The following KALRN variants were observed in gnomAD, a reference collection of about 807,000 sequenced individuals.
The protein encoded by KALRN is kalirin RhoGEF kinase.
A neutral mutation model predicts 353.7 loss-of-function variants in KALRN; 70 were observed. That is an observed-to-expected ratio of 0.20 (90% CI 0.16 to 0.24). KALRN has a LOEUF of 0.24. Ranked by LOEUF, KALRN falls within the 10% of genes least tolerant of loss-of-function variation. The probability of loss-of-function intolerance (pLI) is 1.00; values close to 1 mark genes in which losing one functional copy is unlikely to be tolerated. For missense variants in KALRN, 2,791 were observed against 3,756.7 expected, an observed-to-expected ratio of 0.74 and a Z score of 6.72; for synonymous variants, 1,391 against 1,434.8, an observed-to-expected ratio of 0.97 and a Z score of 0.69.
intron 3 of KALRN, among the ~76,000 whole-genome samples, chr3:124,262,045 G>A (rs533610142): frequency 5.9e-5 from 9 of 152,054 alleles, no homozygotes; most frequent in South Asian, 2.1e-4. Flanking sequence ...TTAATAAAAC[G>A]GGCAAAGATT....
intron 11 of KALRN, among the ~76,000 whole-genome samples, chr3:124,389,136 T>C (rs1560772648): frequency 6.6e-6 from 1 of 152,222 alleles, no homozygotes; most frequent in African/African-American, 2.4e-5. Context: ...ATCTTCCTCC[T>C]TCTTTCTTTC....
intron 47 of KALRN, among the ~76,000 whole-genome samples, chr3:124,669,483 G>A (rs534381366): frequency 3.9e-4 from 60 of 152,262 alleles, no homozygotes; most frequent in African/African-American, 1.4e-3. Flanking sequence ...AAATGTTTTA[G>A]CACAATTATT....
chr3:124,411,799 T>C (rs618952), intron 13 of KALRN, among the ~76,000 whole-genome samples: 149,002 of 152,208 alleles, frequency 0.98, 73,015 homozygotes, highest in East Asian at 1. Flanking sequence ...ACCCCTTTCT[T>C]GAGTTAGAGA....
chr3:124,224,557 T>C (rs533084278), intron 1 of KALRN, among the ~76,000 whole-genome samples: 1 of 152,276 alleles, frequency 6.6e-6, no homozygotes, highest in African/African-American at 2.4e-5. Context: ...ACAATGGCAA[T>C]GGAAGCTTGC....
intron 10 of KALRN, among the ~76,000 whole-genome samples, chr3:124,350,761 A>C (rs1046251566): frequency 6.6e-6 from 1 of 152,118 alleles, no homozygotes; most frequent in South Asian, 2.1e-4. Context: ...TTTTTTTGAA[A>C]GAGAAGACAG....
intron 36 of KALRN, 71 bp downstream of exon 36, chr3:124,634,024 G>A: frequency 3.6e-6 from 4 of 1,108,428 alleles, no homozygotes; most frequent in Non-Finnish European, 5.4e-6. Context: ...GTGTGTGATG[G>A]GGGTAGTCAT....
At chr3:124,270,096 C>T (rs565653920) in intron 5 of KALRN, among the ~76,000 whole-genome samples, 2 of 152,180 alleles carry the variant, frequency 1.3e-5, no homozygotes, top group Non-Finnish European at 2.9e-5. Flanking sequence ...TTCCTAGATT[C>T]TCTTTAAGCT....
intron 1 of KALRN, among the ~76,000 whole-genome samples, chr3:124,133,654 G>A (rs538212027): frequency 9.8e-5 from 15 of 152,304 alleles, no homozygotes; most frequent in Admixed American, 2.0e-4. Context: ...GTCCCCTATC[G>A]TTCACATGTT....
At chr3:124,584,972 G>A in intron 34 of KALRN, 1 of 1,537,614 alleles carries the variant, frequency 6.5e-7, no homozygotes, top group Non-Finnish European at 8.8e-7. Context: ...GCGCGAGGGA[G>A]GGTGGTAGGG....
chr3:124,422,077 C>G (rs1448398285), intron 14 of KALRN, among the ~76,000 whole-genome samples: 1 of 152,160 alleles, frequency 6.6e-6, no homozygotes, highest in African/African-American at 2.4e-5. Context: ...AGCAAACTCT[C>G]CTTGAGTGGG....
At chr3:124,412,409 G>T (rs1432208330) in intron 13 of KALRN, among the ~76,000 whole-genome samples, 2 of 152,238 alleles carry the variant, frequency 1.3e-5, no homozygotes, top group Non-Finnish European at 2.9e-5. Context: ...GAGAAAAGAG[G>T]ATGACAGTAC....
At chr3:124,472,529 T>G (rs1033301513) in intron 25 of KALRN, among the ~76,000 whole-genome samples, 20 of 151,964 alleles carry the variant, frequency 1.3e-4, no homozygotes, top group Admixed American at 6.6e-5. Context: ...GTCTCTATTA[T>G]TATAAAAAAT....
chr3:124,043,165 C>T (rs2040123747), intron 1 of KALRN, among the ~76,000 whole-genome samples: 1 of 151,986 alleles, frequency 6.6e-6, no homozygotes, highest in African/African-American at 2.4e-5. Context: ...ATAACAGTTT[C>T]AATTGTGTAT....
At chr3:124,332,849 C>T (rs555733807) in intron 8 of KALRN, among the ~76,000 whole-genome samples, 17 of 151,686 alleles carry the variant, frequency 1.1e-4, no homozygotes, top group South Asian at 2.1e-4. Flanking sequence ...AGGATAAAGA[C>T]GAAAGAAAAT....
rs138042379 is a variant in KALRN, at chr3:124,176,300, C to T, written c.74-51690C>T. 6.7e-3 allele frequency among the ~76,000 whole-genome samples: 1,027 copies of T among 152,162 alleles called. 7 individuals carry two copies. The highest frequency in any genetic ancestry group is 0.013 in the Admixed American group (194 of 15,292). The stretch of plus-strand genomic sequence containing the variant: ...CAGGGAACCCACCCTGAGGAAGCCC[C>T]GCAGTAGTAGTTGTTGAAGTGATCA... On this transcript the variant is annotated intron_variant, in intron 1 of 59. Transcript: ENST00000682506.
At chr3:124,689,995 G>T (rs192223907) in intron 51 of KALRN, among the ~76,000 whole-genome samples, 6 of 152,258 alleles carry the variant, frequency 3.9e-5, no homozygotes, top group Non-Finnish European at 7.4e-5. Context: ...CTCAGACATT[G>T]ACTGACTGAT....
intron 1 of KALRN, among the ~76,000 whole-genome samples, chr3:124,123,708 G>A (rs189362266): frequency 5.3e-5 from 8 of 152,316 alleles, no homozygotes; most frequent in Middle Eastern, 6.8e-3. Context: ...GGCTTGAAAG[G>A]ACAGCTTGAC....
chr3:124,337,326 C>A (rs1293691561), intron 9 of KALRN, among the ~76,000 whole-genome samples: 1 of 93,954 alleles, frequency 1.1e-5, no homozygotes, highest in Admixed American at 1.1e-4. Context: ...TTTTGAGATA[C>A]CTAGTTTATT....
intron 1 of KALRN, among the ~76,000 whole-genome samples, chr3:124,178,455 C>T (rs983559353): frequency 2.6e-5 from 4 of 152,164 alleles, no homozygotes; most frequent in African/African-American, 9.7e-5. Flanking sequence ...GTAGAATGTA[C>T]TTACACAAAT....
Sources: gnomAD v4.1 joint callset for allele counts (sites outside exome capture counted in the v4.1 genomes callset) on GRCh38, gnomAD v4.1.1 for gene constraint, MANE v1.5 for transcripts, NCBI Gene and HGNC (gene_info 2026-07-23, HGNC 2026-07-21) for gene names.